The following CLSTN2 variants were observed in gnomAD, a reference collection of about 807,000 sequenced individuals.
CLSTN2 encodes the protein calsyntenin-2.
In CLSTN2, 48 loss-of-function variants were observed where a neutral mutation model predicts 101.2. The observed-to-expected ratio is 0.47, with a 90% CI of 0.38 to 0.60. The LOEUF (loss-of-function observed/expected upper bound fraction) is 0.60, where lower values mean the gene tolerates loss of function less well. CLSTN2 is among the 20% of genes least tolerant of loss of function. The probability of loss-of-function intolerance (pLI) is 0.00; values close to 1 mark genes in which losing one functional copy is unlikely to be tolerated. For synonymous variants in CLSTN2, 481 were observed against 463.6 expected (o/e 1.04, Z -0.48); for missense variants, 1,160 against 1,238.2 (o/e 0.94, Z 0.95).
chr3:139,962,667 C>T (rs1386211843), intron 1 of CLSTN2, among the ~76,000 whole-genome samples: 6 of 152,080 alleles, frequency 3.9e-5, no homozygotes, highest in South Asian at 2.1e-4. Context: ...TTCTTCTTTT[C>T]GTTTGGCTTC....
chr3:140,295,852 A>G (rs1401297920), intron 2 of CLSTN2, among the ~76,000 whole-genome samples: 2 of 152,188 alleles, frequency 1.3e-5, no homozygotes, highest in African/African-American at 4.8e-5. Flanking sequence ...AGGGTTCATA[A>G]GCTCCTTAGA....
At chr3:140,025,431 G>A (rs1344427274) in intron 1 of CLSTN2, among the ~76,000 whole-genome samples, 2 of 152,196 alleles carry the variant, frequency 1.3e-5, no homozygotes, top group Admixed American at 1.3e-4. Flanking sequence ...CCTTCCACAA[G>A]TTGCTCATCC....
intron 1 of CLSTN2, among the ~76,000 whole-genome samples, chr3:139,969,106 G>C (rs572454211): frequency 6.6e-6 from 1 of 152,068 alleles, no homozygotes; most frequent in Non-Finnish European, 1.5e-5. Flanking sequence ...GAGACTCAGA[G>C]CCAGCCTGCG....
intron 1 of CLSTN2, among the ~76,000 whole-genome samples, chr3:140,151,606 C>T (rs1436435660): frequency 1.3e-5 from 2 of 151,932 alleles, no homozygotes; most frequent in Non-Finnish European, 2.9e-5. Flanking sequence ...CGGGAGGATG[C>T]CTTGGAGGGT....
intron 2 of CLSTN2, among the ~76,000 whole-genome samples, chr3:140,265,268 A>G (rs1296646146): frequency 6.6e-6 from 1 of 152,162 alleles, no homozygotes; most frequent in Non-Finnish European, 1.5e-5. Flanking sequence ...GACAAGAACA[A>G]TTCCAAGTTG....
intron 1 of CLSTN2, among the ~76,000 whole-genome samples, chr3:140,101,426 C>T (rs1336222479): frequency 6.6e-6 from 1 of 152,256 alleles, no homozygotes; most frequent in Non-Finnish European, 1.5e-5. Flanking sequence ...CACCACTAGA[C>T]ATCAGGTTGG....
At chr3:140,135,115 CACATATATATATAT>C (rs1411124476) in intron 1 of CLSTN2, among the ~76,000 whole-genome samples, 268 of 51,990 alleles carry the variant, frequency 5.2e-3, no homozygotes, top group African/African-American at 0.026. Flanking sequence ...CACACACACA[CACATATATATATAT>C]ATATATATAT....
chr3:140,466,793 C>T, intron 8 of CLSTN2, 62 bp downstream of exon 8: 1 of 1,606,386 alleles, frequency 6.2e-7, no homozygotes, highest in South Asian at 1.1e-5. Context: ...CAGTCCAATC[C>T]AATGGTGATG....
chr3:139,949,513 G>A (rs1935259972), intron 1 of CLSTN2, among the ~76,000 whole-genome samples: 2 of 152,162 alleles, frequency 1.3e-5, no homozygotes, highest in Non-Finnish European at 2.9e-5. Flanking sequence ...ATTCAAGATG[G>A]GGAGATAGAG....
chr3:140,432,867 C>T (rs1161371956), intron 5 of CLSTN2, among the ~76,000 whole-genome samples: 1 of 152,220 alleles, frequency 6.6e-6, no homozygotes, highest in Non-Finnish European at 1.5e-5. Flanking sequence ...ATCATTACCA[C>T]TCACTGAGCA....
intron 10 of CLSTN2, among the ~76,000 whole-genome samples, chr3:140,553,154 G>A (rs893553020): frequency 6.6e-6 from 1 of 152,174 alleles, no homozygotes; most frequent in African/African-American, 2.4e-5. Context: ...TGATGTCACG[G>A]CTCAGTGAGA....
intron 1 of CLSTN2, among the ~76,000 whole-genome samples, chr3:140,109,207 G>A (rs1359158362): frequency 6.6e-6 from 1 of 152,174 alleles, no homozygotes; most frequent in Non-Finnish European, 1.5e-5. Flanking sequence ...AAGATTACCT[G>A]CACCATTGCC....
intron 1 of CLSTN2, among the ~76,000 whole-genome samples, chr3:140,112,753 G>A (rs921600393): frequency 6.6e-6 from 1 of 152,110 alleles, no homozygotes; most frequent in African/African-American, 2.4e-5. Flanking sequence ...GAGAGAAAGA[G>A]CAGACAGTCT....
chr3:140,039,002 A>G (rs1416185462), intron 1 of CLSTN2, among the ~76,000 whole-genome samples: 1 of 152,174 alleles, frequency 6.6e-6, no homozygotes, highest in Non-Finnish European at 1.5e-5. Context: ...GTCTGACACC[A>G]CTTACCCCAG....
At chr3:140,252,085 G>A (rs1216257524) in intron 2 of CLSTN2, among the ~76,000 whole-genome samples, 5 of 152,092 alleles carry the variant, frequency 3.3e-5, no homozygotes, top group South Asian at 2.1e-4. Flanking sequence ...GACACGATGA[G>A]GCATGAACTT....
chr3:140,369,074 C>T (rs2087823714), intron 2 of CLSTN2, among the ~76,000 whole-genome samples: 1 of 152,048 alleles, frequency 6.6e-6, no homozygotes, highest in African/African-American at 2.4e-5. Flanking sequence ...ATGAGACTTG[C>T]CAGCTTTTTC....
At chr3:140,419,275 G>A (rs193202674) in intron 4 of CLSTN2, among the ~76,000 whole-genome samples, 67 of 150,360 alleles carry the variant, frequency 4.5e-4, no homozygotes, top group African/African-American at 1.5e-3. Flanking sequence ...CTGAGATCAC[G>A]AGTTCGAGAC....
chr3:140,030,210 A>G (rs891912160), intron 1 of CLSTN2, among the ~76,000 whole-genome samples: 55 of 152,166 alleles, frequency 3.6e-4, no homozygotes, highest in African/African-American at 1.3e-3. Context: ...GGGACTTCAC[A>G]TATTCAACAT....
intron 1 of CLSTN2, among the ~76,000 whole-genome samples, chr3:140,134,633 G>A (rs1179869376): frequency 6.6e-6 from 1 of 152,170 alleles, no homozygotes; most frequent in African/African-American, 2.4e-5. Context: ...TATCAGCTTA[G>A]GAGAGGATAA....
Sources: allele counts gnomAD v4.1 joint callset (sites outside exome capture counted in the v4.1 genomes callset), GRCh38; gene constraint gnomAD v4.1.1; transcripts MANE v1.5; gene names NCBI Gene and HGNC (gene_info 2026-07-23, HGNC 2026-07-21).